GARIN5A: variants seen among roughly 807,000 people sequenced by gnomAD.
The protein encoded by GARIN5A is golgi associated RAB2 interactor 5A.
At chr19:50,476,274 T>A in the GARIN5A span, 1 of 1,608,048 alleles carries the variant, frequency 6.2e-7, no homozygotes, top group East Asian at 2.2e-5. Flanking sequence ...ACGCGCACTG[T>A]GACGTCATGA....
At chr19:50,471,880 A>ATGTG in the GARIN5A span, among the ~76,000 whole-genome samples, 1 of 147,012 alleles carries the variant, frequency 6.8e-6, no homozygotes, top group African/African-American at 2.6e-5. Flanking sequence ...GTATGCATAC[A>ATGTG]TGTGTGTATA....
At chr19:50,476,592 G>A in the GARIN5A span, 12 of 1,574,048 alleles carry the variant, frequency 7.6e-6, no homozygotes, top group East Asian at 9.3e-5. Flanking sequence ...TGCTCTTGCT[G>A]ATGGCGGTAG....
At chr19:50,470,656 TG>T in the GARIN5A span, among the ~76,000 whole-genome samples, 1 of 120,106 alleles carries the variant, frequency 8.3e-6, no homozygotes, top group African/African-American at 3.1e-5. Flanking sequence ...TGGCTACTGC[TG>T]TTTTTTTTTT....
chr19:50,471,646 ACG>A, the GARIN5A span, among the ~76,000 whole-genome samples: 2 of 123,848 alleles, frequency 1.6e-5, no homozygotes, highest in Non-Finnish European at 3.5e-5. Context: ...GTGTGTATAT[ACG>A]CATACATGCA....
chr19:50,467,885 C>T, the GARIN5A span: 246 of 1,560,392 alleles, frequency 1.6e-4, 2 homozygotes, highest in East Asian at 4.0e-3. Flanking sequence ...CCTCCAGCAC[C>T]GTCGGGGTCA....
chr19:50,472,285 ATGTG>A, the GARIN5A span, among the ~76,000 whole-genome samples: 2 of 151,260 alleles, frequency 1.3e-5, no homozygotes. Context: ...ATATACATGT[ATGTG>A]TGTATATATG....
At chr19:50,467,347 C>T in the GARIN5A span, among the ~76,000 whole-genome samples, 12 of 151,990 alleles carry the variant, frequency 7.9e-5, no homozygotes, top group Non-Finnish European at 1.3e-4. Context: ...CCACAGACCC[C>T]CATATCCCTG....
the GARIN5A span, chr19:50,475,321 T>C: frequency 1.3e-6 from 2 of 1,581,096 alleles, no homozygotes; most frequent in South Asian, 2.2e-5. Flanking sequence ...GTGGGGGCAG[T>C]TACCCGAAGA....
the GARIN5A span, among the ~76,000 whole-genome samples, chr19:50,470,132 T>C: frequency 6.6e-6 from 1 of 152,198 alleles, no homozygotes; most frequent in Non-Finnish European, 1.5e-5. Context: ...GGCATTTGTT[T>C]AAGGACGTTG....
chr19:50,469,822 CG>C, the GARIN5A span, among the ~76,000 whole-genome samples: 1 of 152,150 alleles, frequency 6.6e-6, no homozygotes, highest in Non-Finnish European at 1.5e-5. Context: ...CACATATGCG[CG>C]GATGTCCCCT....
chr19:50,468,749 G>A, the GARIN5A span, among the ~76,000 whole-genome samples: 10 of 152,024 alleles, frequency 6.6e-5, no homozygotes, highest in Admixed American at 1.3e-4. Context: ...GACTATACGC[G>A]CACCACCATG....
the GARIN5A span, among the ~76,000 whole-genome samples, chr19:50,471,492 C>A: frequency 5.3e-5 from 8 of 151,550 alleles, no homozygotes; most frequent in African/African-American, 1.9e-4. Flanking sequence ...TGGTCTCAAA[C>A]TCCTGGCAAT....
the GARIN5A span, chr19:50,476,560 G>T: frequency 6.3e-7 from 1 of 1,574,942 alleles, no homozygotes. Flanking sequence ...GGCAGCCAGC[G>T]CTGGGGCAAC....
At chr19:50,472,673 T>A in the GARIN5A span, among the ~76,000 whole-genome samples, 1 of 151,860 alleles carries the variant, frequency 6.6e-6, no homozygotes, top group Non-Finnish European at 1.5e-5. Flanking sequence ...GGGAGGAGGA[T>A]TGCTTGAGCC....
the GARIN5A span, among the ~76,000 whole-genome samples, chr19:50,467,246 G>A: frequency 1.3e-5 from 2 of 152,074 alleles, no homozygotes; most frequent in East Asian, 1.9e-4. Flanking sequence ...GCTGGGGCAC[G>A]GGTGTGGGTG....
the GARIN5A span, among the ~76,000 whole-genome samples, chr19:50,471,817 T>G: frequency 1.4e-5 from 2 of 147,614 alleles, no homozygotes; most frequent in Admixed American, 1.3e-4. Context: ...CATACATACC[T>G]GTGTGTATAC....
chr19:50,470,379 G>A, the GARIN5A span, among the ~76,000 whole-genome samples: 1,445 of 152,154 alleles, frequency 9.5e-3, 25 homozygotes, highest in African/African-American at 0.034. Context: ...TGGGTGTGGT[G>A]GCACATGCCA....
chr19:50,469,084 C>A, the GARIN5A span, among the ~76,000 whole-genome samples: 2 of 152,166 alleles, frequency 1.3e-5, no homozygotes, highest in Non-Finnish European at 2.9e-5. Context: ...GTGGCTCTGG[C>A]TCAACAGGAA....
chr19:50,472,413 G>C, the GARIN5A span, among the ~76,000 whole-genome samples: 2 of 151,952 alleles, frequency 1.3e-5, no homozygotes, highest in African/African-American at 4.8e-5. Flanking sequence ...TGAGTCCTGA[G>C]GCCAAATTTG....
Sources: gnomAD v4.1 joint callset for allele counts (sites outside exome capture counted in the v4.1 genomes callset) on GRCh38, gnomAD v4.1.1 for gene constraint, MANE v1.5 for transcripts, NCBI Gene and HGNC (gene_info 2026-07-23, HGNC 2026-07-21) for gene names.